The following CTNNA3 variants were observed in gnomAD, a reference collection of about 807,000 sequenced individuals.
The protein encoded by CTNNA3 is catenin alpha 3.
A neutral mutation model predicts 95.7 loss-of-function variants in CTNNA3; 76 were observed. The observed-to-expected ratio is 0.79, with a 90% CI of 0.66 to 0.96. The LOEUF (loss-of-function observed/expected upper bound fraction) is 0.96, where lower values mean the gene tolerates loss of function less well. Among genes scored for constraint, CTNNA3 ranks in the 40% least tolerant of loss-of-function variants. The pLI is 0.00. For synonymous variants in CTNNA3, 431 were observed against 374.4 expected, an observed-to-expected ratio of 1.15 and a Z score of -1.74; for missense variants, 1,191 against 1,089.8, an observed-to-expected ratio of 1.09 and a Z score of -1.31.
rs552989264 is a variant in CTNNA3 at position 67,049,075 on chromosome 10, G to GA, written c.1047+131241dup. Among the ~76,000 whole-genome samples, 43 of 148,678 alleles carry GA rather than the reference G, an allele frequency of 2.9e-4. No individual in the cohort carries two copies. The East Asian group carries it at 5.9e-3, about 20-fold the overall frequency. On this transcript the variant is annotated intron_variant, in intron 7 of 17. Coordinates refer to ENST00000433211, the MANE Select transcript of CTNNA3 (RefSeq NM_013266.4). ...CTTCTTATCTTAAAAACACCAGTTA[G>GA]AAAAAAATGACATTTATAACTTGTG...
At chr10:67,727,071 A>G (rs1841236826) in intron 1 of CTNNA3, among the ~76,000 whole-genome samples, 1 of 113,634 alleles carries the variant, frequency 8.8e-6, no homozygotes, top group Admixed American at 1.1e-4. Context: ...TATATAATAT[A>G]TGATACATAT....
intron 7 of CTNNA3, among the ~76,000 whole-genome samples, chr10:67,100,631 C>T (rs1858284474): frequency 6.6e-6 from 1 of 151,618 alleles, no homozygotes; most frequent in African/African-American, 2.4e-5. Flanking sequence ...GAAATGTTTA[C>T]TTATGTTTGG....
At chr10:65,924,006 C>T (rs868446111) in intron 17 of CTNNA3, among the ~76,000 whole-genome samples, 1 of 152,192 alleles carries the variant, frequency 6.6e-6, no homozygotes, top group Admixed American at 6.5e-5. Context: ...ATTCAGGTGG[C>T]TACTCAGAAT....
intron 6 of CTNNA3, among the ~76,000 whole-genome samples, chr10:67,188,465 A>G (rs949973957): frequency 2.6e-5 from 4 of 152,226 alleles, no homozygotes; most frequent in African/African-American, 7.2e-5. Flanking sequence ...ATTTAGATCC[A>G]TAGAACATGG....
chr10:66,103,132 T>A, intron 14 of CTNNA3, 25 bp downstream of exon 14: 1 of 1,584,476 alleles, frequency 6.3e-7, no homozygotes, highest in Admixed American at 1.7e-5. Flanking sequence ...AGTACATGGT[T>A]CTCCCACCAG....
chr10:66,305,924 A>T (rs546143555), intron 12 of CTNNA3, among the ~76,000 whole-genome samples: 1 of 152,296 alleles, frequency 6.6e-6, no homozygotes, highest in African/African-American at 2.4e-5. Context: ...TATAAATCTA[A>T]AGTCTCAGCA....
chr10:66,712,076 T>C (rs921917622), intron 9 of CTNNA3, among the ~76,000 whole-genome samples: 2 of 152,028 alleles, frequency 1.3e-5, no homozygotes, highest in Non-Finnish European at 2.9e-5. Flanking sequence ...GGTCCAACAG[T>C]GGTAGAGCTG....
intron 7 of CTNNA3, among the ~76,000 whole-genome samples, chr10:66,939,120 T>C (rs900794893): frequency 3.9e-5 from 6 of 152,144 alleles, no homozygotes; most frequent in Admixed American, 1.3e-4. Flanking sequence ...CCAAAGTAAC[T>C]ACTCTACTGG....
In CTNNA3 at chr10:66,339,689, T is replaced by G. The variant is rs922651256; in HGVS notation, c.1732+39463A>C. The stretch of plus-strand genomic sequence containing the variant: ...CCGTCTAATGTCCCAATTCCTATCT[T>G]TCCTGTAGTGAAAAGGGAATTTTAA... On this transcript the variant is annotated intron_variant, in intron 12 of 17. Coordinates refer to ENST00000433211, the MANE Select transcript of CTNNA3 (RefSeq NM_013266.4). 4.6e-5 allele frequency among the ~76,000 whole-genome samples: 7 copies of G among 151,840 alleles called. No homozygotes were observed. The South Asian group carries it at 1.5e-3, about 31-fold the overall frequency.
intron 9 of CTNNA3, among the ~76,000 whole-genome samples, chr10:66,764,051 C>A (rs967568424): frequency 5.3e-5 from 8 of 152,146 alleles, no homozygotes; most frequent in Non-Finnish European, 1.2e-4. Context: ...ATACTAAAAG[C>A]TCATCAGAAA....
intron 9 of CTNNA3, among the ~76,000 whole-genome samples, chr10:66,640,548 C>G (rs1016150948): frequency 1.3e-5 from 2 of 152,106 alleles, no homozygotes; most frequent in African/African-American, 4.8e-5. Flanking sequence ...TCATTACAGG[C>G]TTATCTCTGA....
chr10:66,633,657 G>A (rs1845232508), intron 9 of CTNNA3, among the ~76,000 whole-genome samples: 1 of 151,944 alleles, frequency 6.6e-6, no homozygotes, highest in South Asian at 2.1e-4. Context: ...TCCAGCCTGG[G>A]CAACAGAGCA....
At chr10:66,756,102 T>C (rs879492446) in intron 9 of CTNNA3, among the ~76,000 whole-genome samples, 1 of 152,166 alleles carries the variant, frequency 6.6e-6, no homozygotes, top group Non-Finnish European at 1.5e-5. Flanking sequence ...ATCATATTGC[T>C]AGCTAAGAAA....
chr10:67,561,703 G>T (rs1228781778), intron 3 of CTNNA3, among the ~76,000 whole-genome samples: 1 of 151,822 alleles, frequency 6.6e-6, no homozygotes, highest in African/African-American at 2.4e-5. Context: ...TCCAGGAGCT[G>T]GTTTTTTGAA....
At chr10:67,442,874 C>A (rs1466503264) in intron 5 of CTNNA3, among the ~76,000 whole-genome samples, 1 of 151,012 alleles carries the variant, frequency 6.6e-6, no homozygotes, top group Non-Finnish European at 1.5e-5. Flanking sequence ...ATACATGTGT[C>A]ATGCTGGTGT....
intron 7 of CTNNA3, among the ~76,000 whole-genome samples, chr10:67,011,337 T>C (rs1284648206): frequency 1.8e-5 from 2 of 113,754 alleles, no homozygotes; most frequent in Non-Finnish European, 3.5e-5. Context: ...AAAGTCTGTC[T>C]CAAAAAAAAA....
intron 5 of CTNNA3, among the ~76,000 whole-genome samples, chr10:67,313,162 T>C (rs1406198982): frequency 6.6e-6 from 1 of 152,060 alleles, no homozygotes; most frequent in African/African-American, 2.4e-5. Context: ...CTGTACTTCC[T>C]AAAAAATAAA....
At chr10:67,506,537 G>T (rs1290501590) in intron 5 of CTNNA3, among the ~76,000 whole-genome samples, 1 of 152,144 alleles carries the variant, frequency 6.6e-6, no homozygotes, top group African/African-American at 2.4e-5. Flanking sequence ...TCTACAAAAG[G>T]CTGCATGACT....
intron 15 of CTNNA3, among the ~76,000 whole-genome samples, chr10:66,022,891 C>G (rs1281452774): frequency 6.6e-6 from 1 of 152,062 alleles, no homozygotes; most frequent in East Asian, 1.9e-4. Context: ...TATCCTATGC[C>G]ATTCATTGTT....
Sources: gnomAD v4.1 joint callset for allele counts (sites outside exome capture counted in the v4.1 genomes callset) on GRCh38, gnomAD v4.1.1 for gene constraint, MANE v1.5 for transcripts, NCBI Gene and HGNC (gene_info 2026-07-23, HGNC 2026-07-21) for gene names.